The following ZNF630 variants were observed in gnomAD, a reference collection of about 807,000 sequenced individuals.
ZNF630 encodes zinc finger protein 630, also known as dJ54B20.2 (novel KRAB box containing C2H2 type zinc finger protein).
Under a neutral mutation model 7.2 loss-of-function variants are expected in ZNF630, and 5 were observed. The observed-to-expected ratio is 0.70, with a 90% CI of 0.36 to 1.46. The LOEUF (loss-of-function observed/expected upper bound fraction) is 1.46. Ranked by LOEUF, ZNF630 falls within the 40% of genes most tolerant of loss-of-function variation. The pLI, the probability that ZNF630 is intolerant of heterozygous loss-of-function variation, is 0.03. For synonymous variants in ZNF630, 158 were observed against 162.8 expected, an observed-to-expected ratio of 0.97 and a Z score of 0.23; for missense variants, 461 against 477.0, an observed-to-expected ratio of 0.97 and a Z score of 0.31.
chrX:48,061,038 T>C (rs781876775), intron 2 of ZNF630, 93 bp from the exon 3 acceptor site: 11 of 848,926 alleles, frequency 1.3e-5, no homozygotes, highest in East Asian at 3.3e-5. Context: ...TTGCCCAGCA[T>C]ACTTTATGAG....
chrX:48,070,561 C>T (rs1434969624), intron 1 of ZNF630, among the ~76,000 whole-genome samples: 2 of 100,582 alleles, frequency 2.0e-5, no homozygotes, highest in Non-Finnish European at 4.0e-5. Context: ...TGCAGTGAAC[C>T]ATGATTTCTC....
chrX:48,063,819 C>T (rs1459318345), intron 2 of ZNF630, among the ~76,000 whole-genome samples: 6 of 110,594 alleles, frequency 5.4e-5, no homozygotes, highest in South Asian at 3.8e-4. Flanking sequence ...ACCTGGGAGG[C>T]GGAGGTTACA....
chrX:48,068,019 G>T (rs1163483724), intron 1 of ZNF630, among the ~76,000 whole-genome samples: 1 of 108,673 alleles, frequency 9.2e-6, no homozygotes, highest in Non-Finnish European at 1.9e-5. Context: ...CCGAGATTGA[G>T]CCACTGCACT....
rs1369611480 is a variant in ZNF630, at chrX:48,057,583, C to T, written c.*885G>A. Among the ~76,000 whole-genome samples the T allele has an allele frequency of 9.0e-6, 1 of 110,987 alleles. No individual in the cohort carries two copies. The highest frequency in any genetic ancestry group is 1.9e-5 in the Non-Finnish European group (1 of 53,022). On this transcript the variant is annotated 3_prime_UTR_variant, in exon 5 of 5. Coordinates refer to ENST00000276054, the MANE Select transcript of ZNF630 (RefSeq NM_001282201.2). ...TAATTGAGGGAAAAAATCACAAATA[C>T]ACTCTATGAGAACTATGTTGGAGAA... is the stretch of plus-strand genomic sequence containing the variant.
In ZNF630 at chrX:48,069,149, G is replaced by A. The variant is rs782328310; in HGVS notation, c.-175-2088C>T. Among the ~76,000 whole-genome samples, 49 of 109,412 alleles carry A rather than the reference G, an allele frequency of 4.5e-4. 1 individual carries two copies. The South Asian group carries it at 0.019, about 43-fold the overall frequency. On this transcript the variant is annotated intron_variant, in intron 1 of 4. Transcript: ENST00000276054. ...CTGGCTACTTGGCAGGCTGAGGCAG[G>A]AGAGTCACTTGAATCCGGGAGGCGG...
In ZNF630 at chrX:48,059,262, G is replaced by A. The variant is rs1556908545; in HGVS notation, c.1180C>T (p.Gln394Ter). Residue 394 changes from glutamine to a stop codon, truncating the protein, a stop_gained, in exon 5 of 5, where the codon CAG (glutamine) becomes TAG (stop). Coordinates refer to ENST00000276054, the MANE Select transcript of ZNF630 (RefSeq NM_001282201.2). LOFTEE classifies it low-confidence loss of function (END_TRUNC). ...GGCTTCTTCCCAGTATGAGTTATCT[G>A]GTGTATAAAAAGGTGAGACATCTCA... ...FCEMSHLFIH[Q>*]ITHTGKKPYE... 2 of 1,208,347 alleles carry A rather than the reference G, an allele frequency of 1.7e-6. No individual in the cohort carries two copies. Among genetic ancestry groups the A allele is most frequent in the Admixed American group, 2.2e-5 (1 of 45,904 alleles).
At chrX:48,068,347 G>A (rs967810681) in intron 1 of ZNF630, among the ~76,000 whole-genome samples, 1 of 111,361 alleles carries the variant, frequency 9.0e-6, no homozygotes, top group Non-Finnish European at 1.9e-5. Context: ...GGGTGGCCTA[G>A]ATGAGGACTT....
Position 48,059,622 on chromosome X carries a change from T to C in ZNF630, c.820A>G (p.Lys274Glu), listed in dbSNP as rs781872190. 3 of 1,207,243 alleles carry C rather than the reference T, an allele frequency of 2.5e-6. No individual in the cohort carries two copies. Among genetic ancestry groups the C allele is most frequent in the Non-Finnish European group, 3.4e-6 (3 of 893,106 alleles). Residue 274 changes from lysine to glutamate, a missense_variant, in exon 5 of 5, where the codon AAG becomes GAG. Coordinates refer to ENST00000276054, the MANE Select transcript of ZNF630 (RefSeq NM_001282201.2). ...TGATGTATAATGAGCTGTGACTTCT[T>C]GATAAAGGCTTTCCCACACATACTA... ...VCSMCGKAFI[K>E]KSQLIIHQRI...
chrX:48,065,662 G>T (rs1423417732), intron 2 of ZNF630, among the ~76,000 whole-genome samples: 1 of 103,564 alleles, frequency 9.7e-6, no homozygotes, highest in Non-Finnish European at 2.0e-5. Flanking sequence ...CAGCCTGGGC[G>T]ACAAGAGTGA....
In ZNF630 at chrX:48,058,417, G is replaced by A; in HGVS notation, c.*51C>T. On this transcript the variant is annotated 3_prime_UTR_variant, in exon 5 of 5. Transcript: ENST00000276054. Reference sequence around the variant, plus strand: ...TTGTCACTATTTCTATTCAATGTGAGTTTTCCCATAGACAATGAGGACTGA... The same window carrying A: ...TTGTCACTATTTCTATTCAATGTGAATTTTCCCATAGACAATGAGGACTGA... 9.1e-7 allele frequency: 1 copy of A among 1,103,828 alleles called. No individual in the cohort carries two copies. 91.0% of individuals were successfully genotyped at this position (1,103,828 alleles called of 1,213,427 possible).
At chrX:48,068,490 G>A (rs782215091) in intron 1 of ZNF630, among the ~76,000 whole-genome samples, 4 of 112,179 alleles carry the variant, frequency 3.6e-5, no homozygotes, top group Non-Finnish European at 5.6e-5. Flanking sequence ...AACTAAAGGT[G>A]TTCACTGGCT....
intron 1 of ZNF630, among the ~76,000 whole-genome samples, chrX:48,070,474 G>A (rs1211875449): frequency 9.2e-6 from 1 of 108,426 alleles, no homozygotes; most frequent in Non-Finnish European, 1.9e-5. Flanking sequence ...TCAGCCAGGC[G>A]TGGTGGCAGG....
chrX:48,064,188 T>C (rs1556909678), intron 2 of ZNF630, among the ~76,000 whole-genome samples: 1 of 110,879 alleles, frequency 9.0e-6, no homozygotes, highest in East Asian at 2.8e-4. Flanking sequence ...CGATATTTTA[T>C]AATAGCAGTG....
In ZNF630 at chrX:48,059,275, G is replaced by A. The variant is rs782037421; in HGVS notation, c.1167C>T (p.His389=). ...ECRKAFCEMS[H]LFIHQITHTG... ...TATGAGTTATCTGGTGTATAAAAAG[G>A]TGAGACATCTCACAGAAGGCTTTCC... Residue 389 remains histidine (H), a synonymous_variant, in exon 5 of 5, where the codon CAC becomes CAT. Coordinates refer to ENST00000276054, the MANE Select transcript of ZNF630 (RefSeq NM_001282201.2). The A allele has an allele frequency of 7.4e-6, 9 of 1,208,438 alleles. No homozygotes were observed. Among genetic ancestry groups the A allele is most frequent in the Admixed American group, 4.4e-5 (2 of 45,941 alleles).
At chrX:48,064,916 G>A (rs782229131) in intron 2 of ZNF630, among the ~76,000 whole-genome samples, 3 of 112,031 alleles carry the variant, frequency 2.7e-5, no homozygotes, top group Non-Finnish European at 5.6e-5. Flanking sequence ...ATTGTCAATA[G>A]CTGCTTTCTA....
At position 48,066,486 on chromosome X, in the gene ZNF630, C is replaced by T. The variant is rs1556910116; in HGVS notation, c.15+386G>A. On this transcript the variant is annotated intron_variant, in intron 2 of 4. Transcript: ENST00000276054. ...CCAGAGAACTTTAACTAAAAACAGT[C>T]TCTTTAGAACAACTACTGACAATAC... The T allele has an allele frequency of 2.2e-5, 3 of 138,626 alleles. 1 individual carries two copies. The highest frequency in any genetic ancestry group is 9.5e-5 in the African/African-American group (3 of 31,513). 11.4% of individuals were successfully genotyped at this position (138,626 alleles called of 1,213,427 possible). A position where few individuals can be genotyped will look rare whatever the true frequency, so the allele number is the denominator to read the frequency against.
At chrX:48,065,564 T>A (rs2059127142) in intron 2 of ZNF630, among the ~76,000 whole-genome samples, 1 of 107,121 alleles carries the variant, frequency 9.3e-6, no homozygotes, top group Non-Finnish European at 1.9e-5. Flanking sequence ...GCACTTGTAA[T>A]CCCAGCTACT....
Position 48,058,594 on chromosome X carries a change from T to A in ZNF630, c.1848A>T (p.Thr616=). 1 of 1,208,077 alleles carries A rather than the reference T, an allele frequency of 8.3e-7. No homozygotes were observed. Among genetic ancestry groups the A allele is most frequent in the Non-Finnish European group, 1.1e-6 (1 of 893,082 alleles). ...MTFFWKSQMI[T]YQRRHTGEKP... ...TCTCCCCAGTGTGTCTTCTCTGATA[T>A]GTAATCATCTGTGATTTCCAGAAAA... The change falls in exon 5 of 5, where the codon ACA becomes ACT. Residue 616 remains threonine, a synonymous_variant. Transcript: ENST00000276054.
intron 2 of ZNF630, among the ~76,000 whole-genome samples, chrX:48,064,837 A>G (rs1427283139): frequency 8.9e-6 from 1 of 112,306 alleles, no homozygotes; most frequent in Admixed American, 9.4e-5. Flanking sequence ...TGAAAATTAT[A>G]TGAAATCCAA....
Sources: allele counts gnomAD v4.1 joint callset (sites outside exome capture counted in the v4.1 genomes callset), GRCh38; gene constraint gnomAD v4.1.1; transcripts MANE v1.5; gene names NCBI Gene and HGNC (gene_info 2026-07-23, HGNC 2026-07-21).